Variants in MPP7 observed in about 807,000 individuals in gnomAD.
MPP7 encodes MAGUK p55 subfamily member 7.
Under a neutral mutation model 76.5 loss-of-function variants are expected in MPP7, and 60 were observed. The observed-to-expected ratio is 0.78, with a 90% CI of 0.64 to 0.97. The LOEUF (loss-of-function observed/expected upper bound fraction) is 0.97. MPP7 is among the 50% of genes least tolerant of loss of function. The pLI, the probability that MPP7 is intolerant of heterozygous loss-of-function variation, is 0.00. For synonymous variants in MPP7, 237 were observed against 244.5 expected (o/e 0.97, Z 0.29); for missense variants, 641 against 694.0 (o/e 0.92, Z 0.86).
At chr10:28,312,464 C>T (rs1169468848) in intron 2 of MPP7, among the ~76,000 whole-genome samples, 1 of 152,122 alleles carries the variant, frequency 6.6e-6, no homozygotes, top group African/African-American at 2.4e-5. Context: ...TCCTGTAAGA[C>T]AAAAGTTCTC....
At chr10:28,238,485 T>A (rs1839153304) in intron 2 of MPP7, 83 bp downstream of exon 2, 1 of 1,436,250 alleles carries the variant, frequency 7.0e-7, no homozygotes, top group Non-Finnish European at 9.8e-7. Context: ...TCTGCCTGCA[T>A]TTGCTTAAAG....
intron 3 of MPP7, among the ~76,000 whole-genome samples, chr10:28,200,529 G>A (rs1837736230): frequency 6.6e-6 from 1 of 152,096 alleles, no homozygotes; most frequent in Admixed American, 6.6e-5. Context: ...AACAGCCTCA[G>A]CTTAAAACTC....
chr10:28,296,434 A>C (rs989259180), intron 1 of MPP7, among the ~76,000 whole-genome samples: 3 of 152,206 alleles, frequency 2.0e-5, no homozygotes, highest in Non-Finnish European at 2.9e-5. Flanking sequence ...CCACTGAAAG[A>C]CTTTCTCACT....
At chr10:28,256,327 GAAA>G (rs200425685) in intron 1 of MPP7, among the ~76,000 whole-genome samples, 36 of 99,942 alleles carry the variant, frequency 3.6e-4, no homozygotes, top group African/African-American at 1.0e-3. Flanking sequence ...TGCTTTCAGG[GAAA>G]AAAAAAAAAA....
chr10:28,065,639 C>T (rs1331179996), intron 13 of MPP7, among the ~76,000 whole-genome samples: 1 of 152,144 alleles, frequency 6.6e-6, no homozygotes, highest in African/African-American at 2.4e-5. Context: ...AGCCCTCTTC[C>T]CATGTCCCCA....
Position 28,147,502 on chromosome 10 carries a change from A to G in MPP7, c.296T>C (p.Leu99Pro), listed in dbSNP as rs1198126897. The change falls in exon 5 of 17, where the codon CTG (leucine) becomes CCG (proline). Residue 99 changes from leucine (L) to proline (P), a missense_variant. Coordinates refer to ENST00000683449, the MANE Select transcript of MPP7 (RefSeq NM_001318170.2). ...NSEIRELLKL[L>P]SKPNVKALLS... ...CCTCACCTTCACATTGGGTTTTGAC[A>G]GTAGTTTCAACAGCTCTCTGATCTC... 6.2e-7 allele frequency: 1 copy of G among 1,614,006 alleles called. No individual in the cohort carries two copies. The highest frequency in any genetic ancestry group is 1.1e-5 in the South Asian group (1 of 91,082).
intron 2 of MPP7, among the ~76,000 whole-genome samples, chr10:28,219,767 C>T (rs1185157716): frequency 6.6e-6 from 1 of 151,930 alleles, no homozygotes; most frequent in Admixed American, 6.6e-5. Flanking sequence ...GAACATATAT[C>T]GACGCCCAGA....
intron 2 of MPP7, among the ~76,000 whole-genome samples, chr10:28,209,815 G>A (rs1038400016): frequency 6.6e-6 from 1 of 152,206 alleles, no homozygotes; most frequent in Non-Finnish European, 1.5e-5. Flanking sequence ...GAGATGTCCA[G>A]ATAGGTGGTA....
chr10:28,231,898 G>A (rs1167882883), intron 2 of MPP7, among the ~76,000 whole-genome samples: 2 of 151,944 alleles, frequency 1.3e-5, no homozygotes, highest in Non-Finnish European at 1.5e-5. Flanking sequence ...TTTGAAATTC[G>A]GTAAAGAATG....
At chr10:28,176,338 T>C (rs935672619) in intron 3 of MPP7, among the ~76,000 whole-genome samples, 4 of 143,626 alleles carry the variant, frequency 2.8e-5, no homozygotes, top group African/African-American at 1.1e-4. Flanking sequence ...TGCAGTTGGG[T>C]CAAAAACAAA....
At chr10:28,134,931 C>A (rs1273400265) in intron 5 of MPP7, among the ~76,000 whole-genome samples, 1 of 151,902 alleles carries the variant, frequency 6.6e-6, no homozygotes, top group African/African-American at 2.4e-5. Context: ...GTGTACCCAG[C>A]AAAAGTATCT....
chr10:28,232,358 A>AACACACACACACACACACAC (rs3064135), intron 2 of MPP7, among the ~76,000 whole-genome samples: 7 of 147,356 alleles, frequency 4.8e-5, no homozygotes, highest in African/African-American at 1.8e-4. Context: ...TGTCTCTTAA[A>AACACACACACACACACACAC]ACACACACAC....
intron 4 of MPP7, among the ~76,000 whole-genome samples, chr10:28,148,400 C>G (rs908421484): frequency 6.6e-6 from 1 of 152,092 alleles, no homozygotes; most frequent in Admixed American, 6.5e-5. Flanking sequence ...TTATGAAATA[C>G]GTGGCATATG....
intron 11 of MPP7, among the ~76,000 whole-genome samples, chr10:28,094,203 A>C (rs1357634623): frequency 6.6e-6 from 1 of 152,102 alleles, no homozygotes; most frequent in East Asian, 1.9e-4. Context: ...ACAGGTTATG[A>C]AGCTTCAGTG....
rs1414309480 is a variant in MPP7 at position 28,053,190 on chromosome 10, A to G, written c.*875T>C. The G allele has an allele frequency of 6.6e-6, 1 of 152,168 alleles. No homozygotes were observed. The highest frequency in any genetic ancestry group is 1.5e-5 in the Non-Finnish European group (1 of 68,030). 9.4% of individuals were successfully genotyped at this position (152,168 alleles called of 1,614,324 possible). A position where few individuals can be genotyped will look rare whatever the true frequency, so the allele number is the denominator to read the frequency against. On this transcript the variant is annotated 3_prime_UTR_variant, in exon 17 of 17. Coordinates refer to ENST00000683449, the MANE Select transcript of MPP7 (RefSeq NM_001318170.2). ...ATGTAAAACAGGTTTTACATGTTTT[A>G]GAATAGAAATCCTTCTTCTAATTTA...
chr10:28,330,236 G>A (rs534004245), intron 1 of MPP7, among the ~76,000 whole-genome samples: 6 of 152,192 alleles, frequency 3.9e-5, no homozygotes, highest in African/African-American at 1.2e-4. Context: ...GCACTGGAGG[G>A]TGACTAAAAT....
At chr10:28,072,184 G>A (rs961738787) in intron 12 of MPP7, among the ~76,000 whole-genome samples, 4 of 152,180 alleles carry the variant, frequency 2.6e-5, no homozygotes, top group African/African-American at 9.7e-5. Flanking sequence ...TGAGGCAGGA[G>A]AATTGCTTGA....
At chr10:28,134,279 A>G (rs111472025) in intron 5 of MPP7, among the ~76,000 whole-genome samples, 3,288 of 151,404 alleles carry the variant, frequency 0.022, 99 homozygotes, top group African/African-American at 0.072. Context: ...TGAGAACGAA[A>G]CCCATTTGTG....
intron 3 of MPP7, among the ~76,000 whole-genome samples, chr10:28,201,298 T>C (rs1837763125): frequency 1.3e-5 from 2 of 152,186 alleles, no homozygotes; most frequent in Admixed American, 6.5e-5. Flanking sequence ...CATTTTCTAA[T>C]ACTCTATATC....
Sources: allele counts gnomAD v4.1 joint callset (sites outside exome capture counted in the v4.1 genomes callset), GRCh38; gene constraint gnomAD v4.1.1; transcripts MANE v1.5; gene names NCBI Gene and HGNC (gene_info 2026-07-23, HGNC 2026-07-21).